The following LRRC4C variants were observed in gnomAD, a reference collection of about 807,000 sequenced individuals.
LRRC4C encodes leucine rich repeat containing 4C.
A neutral mutation model predicts 33.6 loss-of-function variants in LRRC4C; 5 were observed. That is an observed-to-expected ratio of 0.15 (90% CI 0.08 to 0.31). LRRC4C has a LOEUF of 0.31. LRRC4C is among the 10% of genes least tolerant of loss of function. The probability of loss-of-function intolerance (pLI) is 1.00; values close to 1 mark genes in which losing one functional copy is unlikely to be tolerated. For missense variants in LRRC4C, 560 were observed against 796.7 expected, an observed-to-expected ratio of 0.70 and a Z score of 3.58; for synonymous variants, 329 against 302.0, an observed-to-expected ratio of 1.09 and a Z score of -0.93.
At chr11:40,558,097 A>G (rs759255106) in intron 3 of LRRC4C, among the ~76,000 whole-genome samples, 1 of 152,204 alleles carries the variant, frequency 6.6e-6, no homozygotes, top group African/African-American at 2.4e-5. Context: ...AACTAACGTA[A>G]TTGTTTAGCA....
chr11:40,384,924 C>T (rs1248412508), intron 3 of LRRC4C, among the ~76,000 whole-genome samples: 2 of 151,900 alleles, frequency 1.3e-5, no homozygotes, highest in Non-Finnish European at 2.9e-5. Flanking sequence ...GGGAAATCTC[C>T]CAAAGTTAAT....
chr11:40,831,910 A>T (rs1406762748), intron 2 of LRRC4C, among the ~76,000 whole-genome samples: 1 of 152,144 alleles, frequency 6.6e-6, no homozygotes, highest in Non-Finnish European at 1.5e-5. Flanking sequence ...TCAAGATAAG[A>T]TTTGGGTGGG....
chr11:40,611,744 G>A (rs1170981157), intron 3 of LRRC4C, among the ~76,000 whole-genome samples: 2 of 151,730 alleles, frequency 1.3e-5, no homozygotes, highest in Non-Finnish European at 1.5e-5. Flanking sequence ...CATACAAATG[G>A]CCAACTGGTG....
chr11:40,924,197 G>T (rs1396304675), intron 2 of LRRC4C, among the ~76,000 whole-genome samples: 1 of 151,576 alleles, frequency 6.6e-6, no homozygotes, highest in East Asian at 1.9e-4. Context: ...CAAGGATCCA[G>T]TCCAAAGTAT....
At chr11:40,232,075 G>T (rs1975694) in intron 5 of LRRC4C, among the ~76,000 whole-genome samples, 113,018 of 152,032 alleles carry the variant, frequency 0.74, 46,066 homozygotes, top group East Asian at 0.96. Flanking sequence ...GGCATGATCT[G>T]GGCTCGCTGC....
chr11:40,993,745 G>A (rs1853762077), intron 1 of LRRC4C, among the ~76,000 whole-genome samples: 1 of 152,054 alleles, frequency 6.6e-6, no homozygotes, highest in African/African-American at 2.4e-5. Flanking sequence ...CAAAAAGATA[G>A]AAAGTAATGA....
At chr11:40,448,081 A>G (rs1951721182) in intron 3 of LRRC4C, among the ~76,000 whole-genome samples, 1 of 152,026 alleles carries the variant, frequency 6.6e-6, no homozygotes, top group African/African-American at 2.4e-5. Flanking sequence ...TGCTGGGATT[A>G]CAAGCATGAA....
chr11:40,705,767 T>C (rs1946138575), intron 2 of LRRC4C, among the ~76,000 whole-genome samples: 1 of 152,122 alleles, frequency 6.6e-6, no homozygotes, highest in African/African-American at 2.4e-5. Context: ...TCCAGATCTT[T>C]GATGAATTGC....
At chr11:41,137,049 A>T (rs117155275) in intron 1 of LRRC4C, among the ~76,000 whole-genome samples, 3,167 of 152,184 alleles carry the variant, frequency 0.021, 41 homozygotes, top group Non-Finnish European at 0.034. Context: ...GGAGTTACAG[A>T]CCAGCCTGGC....
At chr11:40,414,519 T>A (rs957647589) in intron 3 of LRRC4C, among the ~76,000 whole-genome samples, 9 of 152,106 alleles carry the variant, frequency 5.9e-5, no homozygotes, top group African/African-American at 2.2e-4. Context: ...CAGCAGTAAC[T>A]GTAATGGTTG....
chr11:40,314,749 A>G (rs1240545721), intron 4 of LRRC4C, among the ~76,000 whole-genome samples: 1 of 152,130 alleles, frequency 6.6e-6, no homozygotes, highest in African/African-American at 2.4e-5. Context: ...CATTTGCAGC[A>G]TTATCAATGG....
chr11:40,907,937 G>A (rs1271455875), intron 2 of LRRC4C, among the ~76,000 whole-genome samples: 1 of 152,090 alleles, frequency 6.6e-6, no homozygotes, highest in African/African-American at 2.4e-5. Flanking sequence ...TCGTGCACTT[G>A]AAGTTTCTGT....
intron 3 of LRRC4C, among the ~76,000 whole-genome samples, chr11:40,609,624 T>G (rs1300031891): frequency 2.6e-5 from 4 of 151,912 alleles, no homozygotes; most frequent in African/African-American, 7.2e-5. Flanking sequence ...TGACTTAGTT[T>G]TTTGAAAAGA....
chr11:40,289,674 A>G (rs1006465409), intron 4 of LRRC4C, among the ~76,000 whole-genome samples: 2 of 152,228 alleles, frequency 1.3e-5, no homozygotes, highest in African/African-American at 4.8e-5. Context: ...AAAACAAATC[A>G]GTACTTAACC....
rs1315604040 is a variant in LRRC4C at position 40,939,003 on chromosome 11, TA to T, written c.-495-5281del. On this transcript the variant is annotated intron_variant, in intron 1 of 6. Transcript: ENST00000528697. ...ATATTAAAATAGTATTATATAATTA[TA>T]AAATGTTATAGAAATGTTTATGATA... Among the ~76,000 whole-genome samples, 6 of 152,158 alleles carry T rather than the reference TA, an allele frequency of 3.9e-5. No homozygotes were observed. The East Asian group carries it at 1.2e-3, about 29-fold the overall frequency.
At chr11:40,554,293 T>G (rs76684570) in intron 3 of LRRC4C, among the ~76,000 whole-genome samples, 7,870 of 152,286 alleles carry the variant, frequency 0.052, 684 homozygotes, top group African/African-American at 0.18. Flanking sequence ...GTTCTATAGA[T>G]CTATGTGTCT....
chr11:41,266,286 G>A (rs181873137), intron 1 of LRRC4C, among the ~76,000 whole-genome samples: 1 of 152,168 alleles, frequency 6.6e-6, no homozygotes, highest in Admixed American at 6.6e-5. Context: ...TTACAACTTT[G>A]CAGAGATGGG....
chr11:40,452,609 G>A (rs2138094331), intron 3 of LRRC4C, among the ~76,000 whole-genome samples: 1 of 152,304 alleles, frequency 6.6e-6, no homozygotes, highest in African/African-American at 2.4e-5. Flanking sequence ...CAACCATTGT[G>A]GAAGTCAGTG....
chr11:41,444,922 GC>G (rs1398969935), intron 1 of LRRC4C, among the ~76,000 whole-genome samples: 14 of 151,688 alleles, frequency 9.2e-5, no homozygotes, highest in Non-Finnish European at 1.8e-4. Flanking sequence ...TCCTGCCTCA[GC>G]CTCCCGAATA....
Sources: allele counts gnomAD v4.1 joint callset (sites outside exome capture counted in the v4.1 genomes callset), GRCh38; gene constraint gnomAD v4.1.1; transcripts MANE v1.5; gene names NCBI Gene and HGNC (gene_info 2026-07-23, HGNC 2026-07-21).